The following YEATS4 variants were observed in gnomAD, a reference collection of about 807,000 sequenced individuals.
YEATS4 encodes YEATS domain containing 4.
In YEATS4, 17 loss-of-function variants were observed where a neutral mutation model predicts 30.1. That is an observed-to-expected ratio of 0.56 (90% CI 0.39 to 0.85). YEATS4 has a LOEUF of 0.85. YEATS4 is among the 40% of genes least tolerant of loss of function. The pLI is 0.00. For synonymous variants in YEATS4, 85 were observed against 87.5 expected (o/e 0.97, Z 0.16); for missense variants, 142 against 268.3 (o/e 0.53, Z 3.29).
chr12:69,370,646 C>A, intron 4 of YEATS4, 60 bp from the exon 5 acceptor site: 2 of 1,338,062 alleles, frequency 1.5e-6, no homozygotes, highest in Non-Finnish European at 2.0e-6. Context: ...TAAAAAAATG[C>A]CAGTATCTTA....
At position 69,362,800 on chromosome 12, in the gene YEATS4, G is replaced by C; in HGVS notation, c.64G>C (p.Val22Leu). The C allele has an allele frequency of 6.2e-7, 1 of 1,605,460 alleles. No homozygotes were observed. Among genetic ancestry groups the C allele is most frequent in the Non-Finnish European group, 8.5e-7 (1 of 1,175,280 alleles). Residue 22 changes from valine to leucine, a missense_variant, in exon 2 of 7, where the codon GTT becomes CTT. Transcript: ENST00000247843. ...SGGRVKGVTIVKPIVYGNVAR... is the reference protein window; with the variant it reads ...SGGRVKGVTILKPIVYGNVAR... Reference sequence around the variant, plus strand: ...ATTTTTCTTTTAGGGTGTTACTATCGTTAAACCAATAGTTTACGGTAATGT... The same window carrying C: ...ATTTTTCTTTTAGGGTGTTACTATCCTTAAACCAATAGTTTACGGTAATGT...
intron 2 of YEATS4, 68 bp from the exon 3 acceptor site, chr12:69,365,565 G>A (rs1438872601): frequency 8.1e-6 from 9 of 1,112,982 alleles, no homozygotes; most frequent in South Asian, 2.7e-5. Flanking sequence ...AAGTATATAC[G>A]CTCAGTGTAT....
At chr12:69,413,164 C>T in the YEATS4 span, among the ~76,000 whole-genome samples, 1 of 151,840 alleles carries the variant, frequency 6.6e-6, no homozygotes, top group Non-Finnish European at 1.5e-5. Flanking sequence ...TACTATCCCA[C>T]CACTGTGAGA....
At chr12:69,418,641 C>T in the YEATS4 span, among the ~76,000 whole-genome samples, 1 of 152,010 alleles carries the variant, frequency 6.6e-6, no homozygotes, top group Non-Finnish European at 1.5e-5. Context: ...TTTTTTCTTC[C>T]ACATATTTCC....
the YEATS4 span, among the ~76,000 whole-genome samples, chr12:69,410,141 T>C: frequency 2.0e-5 from 3 of 152,220 alleles, no homozygotes; most frequent in South Asian, 6.2e-4. Flanking sequence ...CGTTAGCATA[T>C]AATTCAATGG....
chr12:69,375,173 C>G lies in YEATS4; in HGVS notation c.514+4198C>G, dbSNP rs547276343. ...GGGAGGCTGCCGGGCGTAGGGGCTC[C>G]TCACTTCTCAGACGGGGCGGCCGGT... On this transcript the variant is annotated intron_variant, in intron 6 of 6. Transcript: ENST00000247843. 8.9e-4 allele frequency among the ~76,000 whole-genome samples: 133 copies of G among 149,828 alleles called. 1 individual carries two copies. The highest frequency in any genetic ancestry group is 3.2e-3 in the African/African-American group (128 of 40,590).
chr12:69,360,501 C>T (rs141303788), intron 1 of YEATS4, among the ~76,000 whole-genome samples: 5 of 152,306 alleles, frequency 3.3e-5, no homozygotes, highest in African/African-American at 1.2e-4. Flanking sequence ...TGCTGGAGTT[C>T]ATGGTGTTCA....
the YEATS4 span, among the ~76,000 whole-genome samples, chr12:69,419,588 C>T: frequency 6.6e-6 from 1 of 152,106 alleles, no homozygotes; most frequent in Non-Finnish European, 1.5e-5. Flanking sequence ...GGGACTATGC[C>T]TCATTCATCT....
At chr12:69,361,132 A>G (rs1364922129) in intron 1 of YEATS4, among the ~76,000 whole-genome samples, 1 of 151,422 alleles carries the variant, frequency 6.6e-6, no homozygotes, top group Non-Finnish European at 1.5e-5. Flanking sequence ...CGAGAGGCGG[A>G]AGTTGCAGTG....
chr12:69,415,270 T>C, the YEATS4 span, among the ~76,000 whole-genome samples: 2 of 152,076 alleles, frequency 1.3e-5, no homozygotes, highest in Non-Finnish European at 2.9e-5. Context: ...CAAACCAACA[T>C]TTAGTGTCAA....
chr12:69,418,353 G>A, the YEATS4 span, among the ~76,000 whole-genome samples: 1 of 152,156 alleles, frequency 6.6e-6, no homozygotes, highest in Non-Finnish European at 1.5e-5. Flanking sequence ...CAGGGAGGCT[G>A]AGGCACAAGA....
the YEATS4 span, among the ~76,000 whole-genome samples, chr12:69,406,809 CTTTT>C: frequency 6.6e-6 from 1 of 151,754 alleles, no homozygotes; most frequent in Non-Finnish European, 1.5e-5. Flanking sequence ...TCCAATTTTT[CTTTT>C]TTCTTTTCTT....
intron 2 of YEATS4, among the ~76,000 whole-genome samples, chr12:69,363,502 T>C (rs987256395): frequency 6.6e-6 from 1 of 152,188 alleles, no homozygotes; most frequent in Non-Finnish European, 1.5e-5. Flanking sequence ...TAACATCATA[T>C]CTAAGTTAAC....
chr12:69,394,021 G>T (rs1868334169), downstream of YEATS4, among the ~76,000 whole-genome samples: 1 of 152,132 alleles, frequency 6.6e-6, no homozygotes, highest in South Asian at 2.1e-4. Flanking sequence ...AAATTCTTCA[G>T]TACTGATCAT....
the YEATS4 span, among the ~76,000 whole-genome samples, chr12:69,421,539 G>A: frequency 6.6e-6 from 1 of 152,188 alleles, no homozygotes; most frequent in South Asian, 2.1e-4. Context: ...CAAGCGGGGT[G>A]TAGTTTCTAG....
downstream of YEATS4, among the ~76,000 whole-genome samples, chr12:69,392,740 T>C (rs2075649634): frequency 6.6e-6 from 1 of 152,212 alleles, no homozygotes; most frequent in South Asian, 2.1e-4. Context: ...GAACTATAGC[T>C]TGGTGTTGAG....
At chr12:69,394,351 A>C (rs1204073697), downstream of YEATS4, among the ~76,000 whole-genome samples, 1 of 152,252 alleles carries the variant, frequency 6.6e-6, no homozygotes, top group Non-Finnish European at 1.5e-5. Flanking sequence ...GATTAAAAGA[A>C]TTATTATGAA....
intron 6 of YEATS4, among the ~76,000 whole-genome samples, chr12:69,381,327 T>C (rs34946242): frequency 0.059 from 9,017 of 152,302 alleles, 391 homozygotes; most frequent in African/African-American, 0.12. Context: ...GAAATATGGC[T>C]CTGTTCTGCC....
chr12:69,405,646 G>A, the YEATS4 span, among the ~76,000 whole-genome samples: 2 of 152,224 alleles, frequency 1.3e-5, no homozygotes, highest in South Asian at 4.1e-4. Flanking sequence ...ACTACTAAGT[G>A]ACTAATAGGC....
Sources: gnomAD v4.1 joint callset for allele counts (sites outside exome capture counted in the v4.1 genomes callset) on GRCh38, gnomAD v4.1.1 for gene constraint, MANE v1.5 for transcripts, NCBI Gene and HGNC (gene_info 2026-07-23, HGNC 2026-07-21) for gene names.